HOXC5: variants seen among roughly 807,000 people sequenced by gnomAD.
HOXC5 encodes homeobox C5, also known as homeobox protein Hox-C5.
Under a neutral mutation model 20.1 loss-of-function variants are expected in HOXC5, and 19 were observed. The ratio of observed to expected loss-of-function variants is 0.94; its 90% CI spans 0.66 to 1.38. HOXC5 has a LOEUF of 1.38. HOXC5 is among the 40% of genes most tolerant of loss of function. The pLI, the probability that HOXC5 is intolerant of heterozygous loss-of-function variation, is 0.00. For missense variants in HOXC5, 330 were observed against 300.1 expected, an observed-to-expected ratio of 1.10 and a Z score of -0.74; for synonymous variants, 124 against 117.0, an observed-to-expected ratio of 1.06 and a Z score of -0.39.
the HOXC5 span, among the ~76,000 whole-genome samples, chr12:54,019,051 C>T: frequency 2.6e-5 from 4 of 151,422 alleles, no homozygotes; most frequent in Non-Finnish European, 4.4e-5. Flanking sequence ...AATTTTATCT[C>T]CCCTCCCCCC....
chr12:54,016,997 T>C, the HOXC5 span: 6 of 142,820 alleles, frequency 4.2e-5, no homozygotes, highest in Non-Finnish European at 9.2e-5. Flanking sequence ...TAATTATTTT[T>C]CCCCCATTTA....
upstream of HOXC5, chr12:54,030,219 C>T (rs1940930854): frequency 1.6e-5 from 6 of 366,594 alleles, no homozygotes; most frequent in East Asian, 2.2e-4. Flanking sequence ...CCCTTTTCCC[C>T]GTCCAGGCCT....
At chr12:54,019,375 G>A in the HOXC5 span, among the ~76,000 whole-genome samples, 1 of 152,224 alleles carries the variant, frequency 6.6e-6, no homozygotes, top group Non-Finnish European at 1.5e-5. Context: ...CCAGCCTGCG[G>A]CAGGCCGGAA....
At chr12:54,026,665 T>G in the HOXC5 span, among the ~76,000 whole-genome samples, 1,036 of 152,278 alleles carry the variant, frequency 6.8e-3, 7 homozygotes, top group African/African-American at 0.024. Context: ...GCAGGAAGAC[T>G]CTTCAACCCC....
At chr12:54,032,078 C>T (rs1371896455), upstream of HOXC5, among the ~76,000 whole-genome samples, 1 of 152,266 alleles carries the variant, frequency 6.6e-6, no homozygotes, top group African/African-American at 2.4e-5. Flanking sequence ...TCTAAAACCT[C>T]TGGCATAGGT....
rs1418763523 is a variant in HOXC5 at position 54,033,499 on chromosome 12, G to T, written c.377G>T (p.Gly126Val). ...ATCAAAGAGGAGCAGGCGCAGACAGGGCAGCCCGCCGGACTGAGCCAGCCA... is the reference window on the plus strand; with the variant it reads ...ATCAAAGAGGAGCAGGCGCAGACAGTGCAGCCCGCCGGACTGAGCCAGCCA... The part of the protein sequence containing the change: ...GEIKEEQAQT[G>V]QPAGLSQPPA... The change falls in exon 1 of 2, where the codon GGG (glycine) becomes GTG (valine). Residue 126 changes from glycine to valine, a missense_variant. Coordinates refer to ENST00000312492, the MANE Select transcript of HOXC5 (RefSeq NM_018953.4). 1.3e-6 allele frequency: 2 copies of T among 1,591,094 alleles called. No homozygotes were observed.
chr12:54,031,863 C>T (rs1272376122), upstream of HOXC5, among the ~76,000 whole-genome samples: 1 of 152,204 alleles, frequency 6.6e-6, no homozygotes, highest in Non-Finnish European at 1.5e-5. Context: ...CTGCCCTGCC[C>T]ACCCCCCAGG....
In HOXC5 at chr12:54,033,810, G is replaced by A. The variant is rs374431908; in HGVS notation, c.454+234G>A. The A allele has an allele frequency of 8.7e-6, 5 of 572,820 alleles. No homozygotes were observed. The African/African-American group carries it at 9.5e-5, about 11-fold the overall frequency. 35.5% of individuals were successfully genotyped at this position (572,820 alleles called of 1,614,324 possible). A position where few individuals can be genotyped will look rare whatever the true frequency, so the allele number is the denominator to read the frequency against. The stretch of plus-strand genomic sequence containing the variant: ...GGCAATATTCAATTTTTGGGGGAGA[G>A]GGAGGGAGTTAAAAAAATAGAGGGA... On this transcript the variant is annotated intron_variant, in intron 1 of 1. Coordinates refer to ENST00000312492, the MANE Select transcript of HOXC5 (RefSeq NM_018953.4).
In HOXC5 at chr12:54,034,675, C is replaced by T. The variant is rs937186385; in HGVS notation, c.*183C>T. The T allele has an allele frequency of 1.7e-6, 1 of 589,924 alleles. No homozygotes were observed. Among genetic ancestry groups the T allele is most frequent in the East Asian group, 2.8e-5 (1 of 35,108 alleles). The allele number at this position is 589,924 out of a possible 1,614,324, so 36.5% of individuals were successfully genotyped here. A position where few individuals can be genotyped will look rare whatever the true frequency, so the allele number is the denominator to read the frequency against. On this transcript the variant is annotated 3_prime_UTR_variant, in exon 2 of 2. Transcript: ENST00000312492. ...CATCCCTACCGACCCAGGGTTCCCG[C>T]GGGGCTGTCGGCGCTGCCCCATCTC...
At chr12:54,031,454 T>A (rs140462456), upstream of HOXC5, among the ~76,000 whole-genome samples, 441 of 152,240 alleles carry the variant, frequency 2.9e-3, 3 homozygotes, top group African/African-American at 9.7e-3. Context: ...CGGGACAAAA[T>A]TCCTTCTTCA....
chr12:54,021,571 G>A, the HOXC5 span: 2 of 152,228 alleles, frequency 1.3e-5, no homozygotes, highest in East Asian at 1.9e-4. Context: ...GGGGTTTTCC[G>A]CTACTCTCTC....
chr12:54,023,223 G>C, the HOXC5 span, among the ~76,000 whole-genome samples: 1 of 152,228 alleles, frequency 6.6e-6, no homozygotes, highest in Admixed American at 6.5e-5. Flanking sequence ...TTTCCAGATG[G>C]AGCTGGAAGG....
the HOXC5 span, among the ~76,000 whole-genome samples, chr12:54,019,511 T>C: frequency 6.6e-6 from 1 of 152,176 alleles, no homozygotes; most frequent in African/African-American, 2.4e-5. Context: ...GTGAGGCCTC[T>C]ATTTCTCTCT....
At chr12:54,028,732 G>A (rs1008121274), upstream of HOXC5, 3 of 1,614,020 alleles carry the variant, frequency 1.9e-6, no homozygotes, top group African/African-American at 2.7e-5. Flanking sequence ...GGGGCCGTAT[G>A]ACTATGGATC....
At position 54,033,300 on chromosome 12, in the gene HOXC5, G is replaced by C. The variant is rs572999473; in HGVS notation, c.178G>C (p.Gly60Arg). 63 of 1,614,052 alleles carry C rather than the reference G, an allele frequency of 3.9e-5. No homozygotes were observed. The highest frequency in any genetic ancestry group is 3.3e-4 in the Middle Eastern group (2 of 6,060). The part of the protein sequence containing the change: ...PPPAPSNSLH[G>R]VDMAANPRAH... ...GCCTGCGCCTTCCAACTCTCTCCAC[G>C]GGGTAGACATGGCTGCCAACCCCCG... The change falls in exon 1 of 2, where the codon GGG becomes CGG. Residue 60 changes from glycine to arginine, a missense_variant. Transcript: ENST00000312492.
At position 54,033,085 on chromosome 12, in the gene HOXC5, C is replaced by G; in HGVS notation, c.-38C>G. ...CAAAGAGTCACAAATCACCCTTAAT[C>G]AAAAAGGGTGCAGAAATTTTTTTGG... On this transcript the variant is annotated 5_prime_UTR_variant, in exon 1 of 2. It adds an upstream start codon to the 5' untranslated region. Coordinates refer to ENST00000312492, the MANE Select transcript of HOXC5 (RefSeq NM_018953.4). 2 of 1,548,354 alleles carry G rather than the reference C, an allele frequency of 1.3e-6. No individual in the cohort carries two copies. Among genetic ancestry groups the G allele is most frequent in the Non-Finnish European group, 1.8e-6 (2 of 1,129,694 alleles).
At chr12:54,029,521 G>A (rs1041274442), upstream of HOXC5, 57 of 867,670 alleles carry the variant, frequency 6.6e-5, 1 homozygote, top group Middle Eastern at 1.7e-3. Flanking sequence ...CAAGGCAAAA[G>A]GGAGAAGGCT....
the HOXC5 span, among the ~76,000 whole-genome samples, chr12:54,023,997 C>T: frequency 3.3e-5 from 5 of 152,144 alleles, no homozygotes; most frequent in African/African-American, 1.2e-4. Flanking sequence ...AAACACCAGG[C>T]ATTTGGAGTA....
chr12:54,022,412 T>C, the HOXC5 span: 2 of 152,136 alleles, frequency 1.3e-5, no homozygotes, highest in African/African-American at 4.8e-5. Context: ...GTCAGATAGT[T>C]GGCTTTTGGC....
Sources: allele counts gnomAD v4.1 joint callset (sites outside exome capture counted in the v4.1 genomes callset), GRCh38; gene constraint gnomAD v4.1.1; transcripts MANE v1.5; gene names NCBI Gene and HGNC (gene_info 2026-07-23, HGNC 2026-07-21).